Variants in SCAF8 observed in about 807,000 individuals in gnomAD.
The protein encoded by SCAF8 is SR-related CTD associated factor 8, also known as SR-related and CTD-associated factor 8.
SCAF8 carries 23 observed loss-of-function variants against 140.5 expected under a neutral mutation model. The ratio of observed to expected loss-of-function variants is 0.16; its 90% CI spans 0.12 to 0.23. The LOEUF is 0.23. Ranked by LOEUF, SCAF8 falls within the 10% of genes least tolerant of loss-of-function variation. The pLI is 1.00. For synonymous variants in SCAF8, 575 were observed against 528.9 expected (o/e 1.09, Z -1.20); for missense variants, 1,397 against 1,555.7 (o/e 0.90, Z 1.72).
rs35276477 is a variant in SCAF8, at chr6:154,736,968, C to CT, written c.30+3048dup. On this transcript the variant is annotated intron_variant, in intron 1 of 19. Coordinates refer to ENST00000367178, the MANE Select transcript of SCAF8 (RefSeq NM_014892.5). ...TATTTGAAGAAGATTCAGAAAAATA[C>CT]TTTTTTTTTTAAACACAAAACAATA... Among the ~76,000 whole-genome samples the CT allele has an allele frequency of 4.0e-4, 60 of 149,676 alleles. 1 individual carries two copies. The highest frequency in any genetic ancestry group is 3.4e-3 in the Middle Eastern group (1 of 294).
intron 17 of SCAF8, 45 bp downstream of exon 17, chr6:154,824,423 A>T: frequency 2.6e-6 from 4 of 1,528,966 alleles, no homozygotes; most frequent in Non-Finnish European, 3.6e-6. Flanking sequence ...TTAGATTATC[A>T]TTTAAGTTGT....
intron 1 of SCAF8, among the ~76,000 whole-genome samples, chr6:154,737,365 T>C (rs1367359985): frequency 6.6e-6 from 1 of 152,214 alleles, no homozygotes; most frequent in Non-Finnish European, 1.5e-5. Flanking sequence ...CAAGATATTT[T>C]GATACTTCAC....
In SCAF8 at chr6:154,735,522, T is replaced by C. The variant is rs927721463; in HGVS notation, c.30+1592T>C. ...GAGCAATAGACTTGGGAATCTTCTT[T>C]TTTTTTTTTTTTTGAGACAGAGTTT... On this transcript the variant is annotated intron_variant, in intron 1 of 19. Transcript: ENST00000367178. 9.3e-5 allele frequency among the ~76,000 whole-genome samples: 14 copies of C among 150,010 alleles called. No individual in the cohort carries two copies. In the South Asian group the frequency reaches 1.5e-3, roughly 16 times the overall value.
At chr6:154,805,682 C>A (rs1442919196) in intron 9 of SCAF8, among the ~76,000 whole-genome samples, 196 bp downstream of exon 9, 2 of 151,724 alleles carry the variant, frequency 1.3e-5, no homozygotes, top group East Asian at 1.9e-4. Flanking sequence ...TTAGTAAGAC[C>A]ATTTTTTTCA....
At position 154,787,659 on chromosome 6, in the gene SCAF8, T is replaced by C. The variant is rs138168423; in HGVS notation, c.160-202T>C. Among the ~76,000 whole-genome samples, 31 of 152,354 alleles carry C rather than the reference T, an allele frequency of 2.0e-4. No homozygotes were observed. In the East Asian group the frequency reaches 5.8e-3, roughly 28 times the overall value. On this transcript the variant is annotated intron_variant, in intron 3 of 19. Transcript: ENST00000367178. ...AGTTACATAGTACTATTTTAGAACT[T>C]CTGATTGTATAGAGTAGCCAAAGTA...
At chr6:154,734,362 G>C (rs1343714274) in intron 1 of SCAF8, among the ~76,000 whole-genome samples, 1 of 152,216 alleles carries the variant, frequency 6.6e-6, no homozygotes, top group South Asian at 2.1e-4. Flanking sequence ...AACACCGATT[G>C]GGGGCGGTGG....
intron 6 of SCAF8, among the ~76,000 whole-genome samples, chr6:154,798,485 C>G (rs531730169): frequency 1.3e-5 from 2 of 151,502 alleles, no homozygotes; most frequent in Admixed American, 6.6e-5. Context: ...TACCCAAAAG[C>G]TTAAGAGTCA....
chr6:154,821,369 G>T (rs1178731814), intron 15 of SCAF8, among the ~76,000 whole-genome samples: 1 of 151,382 alleles, frequency 6.6e-6, no homozygotes, highest in African/African-American at 2.4e-5. Flanking sequence ...TGCAATAACA[G>T]TTGAACACTT....
intron 1 of SCAF8, among the ~76,000 whole-genome samples, chr6:154,757,968 T>A (rs1351797005): frequency 6.7e-6 from 1 of 149,882 alleles, no homozygotes; most frequent in African/African-American, 2.5e-5. Context: ...TGGAGTACAG[T>A]GGCGTAATCT....
rs1459340369 is a variant in SCAF8 at position 154,787,846 on chromosome 6, TC to T, written c.160-14del. 6.3e-7 allele frequency: 1 copy of T among 1,579,674 alleles called. No individual in the cohort carries two copies. The highest frequency in any genetic ancestry group is 2.2e-5 in the East Asian group (1 of 44,462). ...TTCCGTTTCCTTTCCTTTTCATTCT[TC>T]TTTTTTTCATCAGTGTAAACCAGAA... is the stretch of plus-strand genomic sequence containing the variant. On this transcript the variant is annotated splice_polypyrimidine_tract_variant and intron_variant, in intron 3 of 19. Coordinates refer to ENST00000367178, the MANE Select transcript of SCAF8 (RefSeq NM_014892.5).
At chr6:154,766,749 A>G (rs72993424) in intron 1 of SCAF8, among the ~76,000 whole-genome samples, 1 of 139,552 alleles carries the variant, frequency 7.2e-6, no homozygotes, top group Admixed American at 7.9e-5. Context: ...AGTCATGTGC[A>G]ACATCTGGAC....
At chr6:154,811,582 C>G (rs1004818892) in intron 12 of SCAF8, among the ~76,000 whole-genome samples, 2 of 151,870 alleles carry the variant, frequency 1.3e-5, no homozygotes, top group Non-Finnish European at 2.9e-5. Context: ...TACTTGTGTA[C>G]AAAGTGCAGG....
intron 9 of SCAF8, among the ~76,000 whole-genome samples, chr6:154,806,871 TAAG>T (rs1178371422): frequency 6.6e-6 from 1 of 152,112 alleles, no homozygotes; most frequent in African/African-American, 2.4e-5. Flanking sequence ...AGAACACAAT[TAAG>T]AACATTTAGA....
At chr6:154,796,254 T>G (rs1461184780) in intron 6 of SCAF8, among the ~76,000 whole-genome samples, 3 of 152,112 alleles carry the variant, frequency 2.0e-5, no homozygotes, top group Non-Finnish European at 4.4e-5. Flanking sequence ...TAGATGATAG[T>G]GTTTTATGAG....
At chr6:154,821,645 G>GA (rs1327059857) in intron 15 of SCAF8, among the ~76,000 whole-genome samples, 1 of 152,156 alleles carries the variant, frequency 6.6e-6, no homozygotes. Context: ...GCCATCTGGG[G>GA]AAAGAGTATT....
intron 9 of SCAF8, among the ~76,000 whole-genome samples, chr6:154,805,846 C>A (rs1777898202): frequency 1.3e-5 from 2 of 152,038 alleles, no homozygotes; most frequent in Admixed American, 6.6e-5. Context: ...CTCTCTGTTC[C>A]CTATCAAGCA....
At chr6:154,789,117 T>A (rs555363332) in intron 4 of SCAF8, among the ~76,000 whole-genome samples, 1 of 152,326 alleles carries the variant, frequency 6.6e-6, no homozygotes, top group Non-Finnish European at 1.5e-5. Context: ...TAAATTTATT[T>A]ATTTTTTTGA....
chr6:154,766,992 G>A (rs1334448463), intron 1 of SCAF8, among the ~76,000 whole-genome samples: 1 of 152,026 alleles, frequency 6.6e-6, no homozygotes, highest in Non-Finnish European at 1.5e-5. Flanking sequence ...TCTCGTTTGG[G>A]GACATGTAGA....
At chr6:154,819,324 C>T (rs1778347826) in intron 14 of SCAF8, among the ~76,000 whole-genome samples, 1 of 152,202 alleles carries the variant, frequency 6.6e-6, no homozygotes, top group Non-Finnish European at 1.5e-5. Context: ...TGGCAGCTCA[C>T]ACCTGCAGTC....
Sources: gnomAD v4.1 joint callset for allele counts (sites outside exome capture counted in the v4.1 genomes callset) on GRCh38, gnomAD v4.1.1 for gene constraint, MANE v1.5 for transcripts, NCBI Gene and HGNC (gene_info 2026-07-23, HGNC 2026-07-21) for gene names.